RALYL: variants seen among roughly 807,000 people sequenced by gnomAD.
The protein encoded by RALYL is RNA-binding Raly-like protein.
In RALYL, 29 loss-of-function variants were observed where a neutral mutation model predicts 35.1. The ratio of observed to expected loss-of-function variants is 0.83; its 90% CI spans 0.61 to 1.13. The LOEUF is 1.13. Ranked by LOEUF, RALYL falls within the 50% of genes most tolerant of loss-of-function variation. RALYL has a pLI of 0.00. For missense variants in RALYL, 359 were observed against 360.4 expected (o/e 1.00, Z 0.03); for synonymous variants, 120 against 127.6 (o/e 0.94, Z 0.40).
chr8:84,199,970 C>G (rs1816432071), intron 1 of RALYL, among the ~76,000 whole-genome samples: 1 of 152,084 alleles, frequency 6.6e-6, no homozygotes, highest in Non-Finnish European at 1.5e-5. Context: ...TTCTGTAGAT[C>G]CTCTAATTTA....
At chr8:84,462,129 TA>T (rs2050863544) in intron 1 of RALYL, among the ~76,000 whole-genome samples, 1 of 151,542 alleles carries the variant, frequency 6.6e-6, no homozygotes, top group African/African-American at 2.4e-5. Flanking sequence ...TTTTTATTTT[TA>T]TTTTTTTTTA....
intron 2 of RALYL, among the ~76,000 whole-genome samples, chr8:84,577,535 A>G (rs1809755388): frequency 6.6e-6 from 1 of 152,242 alleles, no homozygotes; most frequent in Non-Finnish European, 1.5e-5. Context: ...CATTCCAAAG[A>G]AAAACTGTCA....
chr8:84,745,328 A>C (rs772475254), intron 2 of RALYL, among the ~76,000 whole-genome samples: 23 of 152,044 alleles, frequency 1.5e-4, no homozygotes, highest in Non-Finnish European at 2.8e-4. Flanking sequence ...ATGTAAAATT[A>C]TGCTACTGTT....
intron 1 of RALYL, among the ~76,000 whole-genome samples, chr8:84,342,785 A>G (rs1431182307): frequency 6.6e-6 from 1 of 151,976 alleles, no homozygotes; most frequent in Non-Finnish European, 1.5e-5. Context: ...GCAGAAGAAA[A>G]TGGTCTGGGT....
intron 7 of RALYL, among the ~76,000 whole-genome samples, chr8:84,882,935 A>G (rs771968071): frequency 1.3e-5 from 2 of 152,088 alleles, no homozygotes; most frequent in Non-Finnish European, 2.9e-5. Context: ...TACTGAATCA[A>G]AACTGCCTAT....
At chr8:84,669,257 C>G (rs1832708271) in intron 2 of RALYL, among the ~76,000 whole-genome samples, 1 of 152,158 alleles carries the variant, frequency 6.6e-6, no homozygotes, top group Admixed American at 6.5e-5. Flanking sequence ...TCCCTTTTCA[C>G]TAAATGTTGA....
chr8:84,583,719 A>G (rs1811361012), intron 2 of RALYL, among the ~76,000 whole-genome samples: 1 of 152,192 alleles, frequency 6.6e-6, no homozygotes, highest in African/African-American at 2.4e-5. Context: ...TATAAAATAT[A>G]TTCTTAAAAA....
At chr8:84,561,979 A>G (rs2061494145) in intron 2 of RALYL, among the ~76,000 whole-genome samples, 1 of 152,016 alleles carries the variant, frequency 6.6e-6, no homozygotes, top group African/African-American at 2.4e-5. Context: ...TTAGATTTCC[A>G]CCAAACAGTT....
intron 1 of RALYL, among the ~76,000 whole-genome samples, chr8:84,269,261 T>G (rs1303642378): frequency 2.0e-5 from 3 of 152,204 alleles, no homozygotes; most frequent in Non-Finnish European, 4.4e-5. Context: ...TACCAACTAA[T>G]TAATTTGAAA....
chr8:84,425,446 G>C (rs1357106226), intron 1 of RALYL, among the ~76,000 whole-genome samples: 2 of 152,186 alleles, frequency 1.3e-5, no homozygotes, highest in African/African-American at 2.4e-5. Flanking sequence ...TGCGCCCACT[G>C]TCTGGCACTC....
intron 6 of RALYL, among the ~76,000 whole-genome samples, chr8:84,863,949 T>C (rs1345640796): frequency 6.6e-6 from 1 of 152,194 alleles, no homozygotes; most frequent in Non-Finnish European, 1.5e-5. Flanking sequence ...ATGTGGAGTA[T>C]ACACAAGTTT....
intron 1 of RALYL, among the ~76,000 whole-genome samples, chr8:84,243,303 G>C (rs1465619530): frequency 6.6e-6 from 1 of 152,030 alleles, no homozygotes; most frequent in Non-Finnish European, 1.5e-5. Context: ...GATTGACTTG[G>C]CTATCCAGGC....
intron 2 of RALYL, among the ~76,000 whole-genome samples, chr8:84,698,250 T>C (rs1839519053): frequency 6.6e-6 from 1 of 152,116 alleles, no homozygotes; most frequent in Admixed American, 6.6e-5. Context: ...AAATCCCTCA[T>C]ACAAAGCAAG....
chr8:84,651,506 G>T (rs964089385), intron 2 of RALYL, among the ~76,000 whole-genome samples: 1 of 151,868 alleles, frequency 6.6e-6, no homozygotes, highest in Admixed American at 6.6e-5. Context: ...GGTTTTGGCA[G>T]CAATTAAATT....
chr8:84,338,369 G>C (rs1848200039), intron 1 of RALYL, among the ~76,000 whole-genome samples: 1 of 150,640 alleles, frequency 6.6e-6, no homozygotes, highest in South Asian at 2.1e-4. Context: ...CATAGAATAA[G>C]AATTGTCCGA....
intron 1 of RALYL, among the ~76,000 whole-genome samples, chr8:84,490,276 A>G (rs148625676): frequency 1.2e-3 from 180 of 152,080 alleles, no homozygotes; most frequent in African/African-American, 4.3e-3. Flanking sequence ...TCTTCTGCTT[A>G]CTGGGGCGAT....
chr8:84,285,660 A>C (rs1837454142), intron 1 of RALYL, among the ~76,000 whole-genome samples: 1 of 152,148 alleles, frequency 6.6e-6, no homozygotes. Context: ...TCTTGGGAAG[A>C]AGATACTTCG....
At chr8:84,540,767 C>T (rs1337166165) in intron 2 of RALYL, among the ~76,000 whole-genome samples, 2 of 151,916 alleles carry the variant, frequency 1.3e-5, no homozygotes, top group African/African-American at 2.4e-5. Flanking sequence ...TTGGATAATC[C>T]ATCAATGATG....
intron 2 of RALYL, among the ~76,000 whole-genome samples, chr8:84,734,260 G>A (rs1356111464): frequency 6.6e-6 from 1 of 151,940 alleles, no homozygotes; most frequent in African/African-American, 2.4e-5. Flanking sequence ...TTAATAAAGG[G>A]GATGGTTTTT....
Sources: gnomAD v4.1 joint callset for allele counts (sites outside exome capture counted in the v4.1 genomes callset) on GRCh38, gnomAD v4.1.1 for gene constraint, MANE v1.5 for transcripts, NCBI Gene and HGNC (gene_info 2026-07-23, HGNC 2026-07-21) for gene names.